TMEM170B: variants seen among roughly 807,000 people sequenced by gnomAD.
TMEM170B encodes transmembrane protein 170B.
In TMEM170B, 6 loss-of-function variants were observed where a neutral mutation model predicts 13.0. That is an observed-to-expected ratio of 0.46 (90% CI 0.25 to 0.91). TMEM170B has a LOEUF of 0.91. TMEM170B is among the 40% of genes least tolerant of loss of function. TMEM170B has a pLI of 0.17. For synonymous variants in TMEM170B, 61 were observed against 64.9 expected (o/e 0.94, Z 0.29); for missense variants, 138 against 165.2 (o/e 0.84, Z 0.90).
At chr6:11,571,898 G>T (rs1248676969) in intron 2 of TMEM170B, among the ~76,000 whole-genome samples, 1 of 152,120 alleles carries the variant, frequency 6.6e-6, no homozygotes, top group East Asian at 1.9e-4. Flanking sequence ...TTTCATAGAA[G>T]TAGAAACCCT....
intron 2 of TMEM170B, among the ~76,000 whole-genome samples, chr6:11,574,192 G>A (rs1759842817): frequency 6.6e-6 from 1 of 152,034 alleles, no homozygotes. Flanking sequence ...TACTGAGGGG[G>A]TGGTATGATA....
At chr6:11,562,234 T>G (rs1759675802) in intron 1 of TMEM170B, among the ~76,000 whole-genome samples, 1 of 152,078 alleles carries the variant, frequency 6.6e-6, no homozygotes, top group Non-Finnish European at 1.5e-5. Context: ...TATCTTTCAA[T>G]ATGCAAATAT....
intron 1 of TMEM170B, among the ~76,000 whole-genome samples, chr6:11,563,910 C>T (rs546581912): frequency 6.6e-6 from 1 of 152,280 alleles, no homozygotes; most frequent in South Asian, 2.1e-4. Flanking sequence ...ATGGAGGCTG[C>T]AGTGAGCTGT....
At chr6:11,557,119 C>T (rs1759600809) in intron 1 of TMEM170B, among the ~76,000 whole-genome samples, 1 of 152,128 alleles carries the variant, frequency 6.6e-6, no homozygotes, top group African/African-American at 2.4e-5. Flanking sequence ...TTCTTCTTAC[C>T]CACTTGTATG....
chr6:11,567,788 G>T (rs1759755237), intron 2 of TMEM170B, among the ~76,000 whole-genome samples: 1 of 152,200 alleles, frequency 6.6e-6, no homozygotes. Context: ...AGTAGTACCA[G>T]ATTCAGTAGG....
At position 11,537,855 on chromosome 6, in the gene TMEM170B, T is replaced by G. The variant is rs2113757143; in HGVS notation, c.-423T>G. Among the ~76,000 whole-genome samples, 1 of 151,666 alleles carries G rather than the reference T, an allele frequency of 6.6e-6. No homozygotes were observed. Among genetic ancestry groups the G allele is most frequent in the Admixed American group, 6.6e-5 (1 of 15,260 alleles). On this transcript the variant is annotated 5_prime_UTR_variant, in exon 1 of 3. Transcript: ENST00000379426. ...TCCGGCGGCGATGAGCTGGGCCCTG[T>G]CGGGGGCTGCACCTGCCGGCTGCCC...
At chr6:11,540,827 A>G (rs766525754) in intron 1 of TMEM170B, among the ~76,000 whole-genome samples, 2 of 152,208 alleles carry the variant, frequency 1.3e-5, no homozygotes, top group Non-Finnish European at 2.9e-5. Context: ...TAGAAAGTCA[A>G]AATTACTCTT....
intron 2 of TMEM170B, among the ~76,000 whole-genome samples, chr6:11,573,488 G>A (rs531494156): frequency 6.6e-5 from 10 of 152,112 alleles, no homozygotes; most frequent in Admixed American, 3.3e-4. Context: ...CTTAATCTTC[G>A]TGCCCACCTA....
At chr6:11,542,604 T>G (rs1368770436) in intron 1 of TMEM170B, among the ~76,000 whole-genome samples, 1 of 152,208 alleles carries the variant, frequency 6.6e-6, no homozygotes, top group African/African-American at 2.4e-5. Flanking sequence ...ATTAGAAATA[T>G]GTTTCACTAG....
rs1247764900 is a variant in TMEM170B at position 11,582,149 on chromosome 6, T to G, written c.*6588T>G. The G allele has an allele frequency of 6.6e-6, 1 of 152,200 alleles. No homozygotes were observed. The highest frequency in any genetic ancestry group is 1.9e-4 in the East Asian group (1 of 5,200). The allele number at this position is 152,200 out of a possible 1,614,324, so 9.4% of individuals were successfully genotyped here. On this transcript the variant is annotated 3_prime_UTR_variant, in exon 3 of 3. Transcript: ENST00000379426. Reference sequence around the variant, plus strand: ...TTATTCTGAGATGAGGGAATCAACTTTATCTTGAAAGTTAACTAGCTAAAA... The same window carrying G: ...TTATTCTGAGATGAGGGAATCAACTGTATCTTGAAAGTTAACTAGCTAAAA...
intron 1 of TMEM170B, among the ~76,000 whole-genome samples, chr6:11,562,298 C>G (rs1238080118): frequency 6.6e-6 from 1 of 151,380 alleles, no homozygotes; most frequent in East Asian, 1.9e-4. Flanking sequence ...TAAATTGAAG[C>G]CATTTGTTTG....
chr6:11,566,118 A>G (rs940951394), intron 2 of TMEM170B, among the ~76,000 whole-genome samples: 2 of 152,238 alleles, frequency 1.3e-5, no homozygotes, highest in South Asian at 2.1e-4. Flanking sequence ...GGGAAAATTC[A>G]CAGTGATTAT....
chr6:11,544,543 C>G (rs571726283), intron 1 of TMEM170B, among the ~76,000 whole-genome samples: 1 of 152,246 alleles, frequency 6.6e-6, no homozygotes, highest in South Asian at 2.1e-4. Flanking sequence ...TGCCATTGCC[C>G]TTGTAAAAGC....
intron 1 of TMEM170B, among the ~76,000 whole-genome samples, chr6:11,557,189 G>A (rs1258540536): frequency 6.6e-6 from 1 of 152,096 alleles, no homozygotes; most frequent in East Asian, 1.9e-4. Flanking sequence ...TCCTTGCTTT[G>A]CATCCTCACC....
chr6:11,571,176 T>G (rs987475450), intron 2 of TMEM170B, among the ~76,000 whole-genome samples: 1 of 2,568 alleles, frequency 3.9e-4, no homozygotes, highest in Admixed American at 0.033. Context: ...ATATGCTTGC[T>G]TTTTTTTTTT....
chr6:11,566,899 G>A (rs1420426975), intron 2 of TMEM170B, among the ~76,000 whole-genome samples: 1 of 152,178 alleles, frequency 6.6e-6, no homozygotes, highest in Admixed American at 6.5e-5. Context: ...GCCCCCAAAG[G>A]TCATACTCCA....
chr6:11,575,416 C>G lies in TMEM170B; in HGVS notation c.269-15C>G. On this transcript the variant is annotated splice_polypyrimidine_tract_variant and intron_variant, in intron 2 of 2. Transcript: ENST00000379426. This position sits in a 1 kb window ranked among gnomAD's most constrained non-coding sequence, Gnocchi z 4.1. ...AGTGACTGTATCCCTTCATTTTTCT[C>G]CCGTTTCTCCTTAGGTGCAGCAGTA... 1 of 1,612,110 alleles carries G rather than the reference C, an allele frequency of 6.2e-7. No homozygotes were observed. Among genetic ancestry groups the G allele is most frequent in the Non-Finnish European group, 8.5e-7 (1 of 1,178,992 alleles).
At chr6:11,560,517 A>T (rs1043439308) in intron 1 of TMEM170B, among the ~76,000 whole-genome samples, 1 of 150,014 alleles carries the variant, frequency 6.7e-6, no homozygotes, top group Non-Finnish European at 1.5e-5. Flanking sequence ...AGACTGAGGC[A>T]GGAGAATCGT....
chr6:11,565,963 C>A, intron 2 of TMEM170B, 127 bp downstream of exon 2: 1 of 820,842 alleles, frequency 1.2e-6, no homozygotes, highest in South Asian at 1.6e-5. Context: ...ACACTTAACA[C>A]ACTCCATCTA....
Sources: allele counts gnomAD v4.1 joint callset (sites outside exome capture counted in the v4.1 genomes callset), GRCh38; gene constraint gnomAD v4.1.1; non-coding constraint Gnocchi (gnomAD v3.1); transcripts MANE v1.5; gene names NCBI Gene and HGNC (gene_info 2026-07-23, HGNC 2026-07-21).